The following TLK1 variants were observed in gnomAD, a reference collection of about 807,000 sequenced individuals.
TLK1 encodes the protein serine/threonine-protein kinase tousled-like 1.
In TLK1, 24 loss-of-function variants were observed where a neutral mutation model predicts 105.3. That is an observed-to-expected ratio of 0.23 (90% CI 0.17 to 0.32). The LOEUF (loss-of-function observed/expected upper bound fraction) is 0.32, where lower values mean the gene tolerates loss of function less well. TLK1 is among the 10% of genes least tolerant of loss of function. The pLI is 1.00. For missense variants in TLK1, 558 were observed against 910.5 expected (o/e 0.61, Z 4.98); for synonymous variants, 321 against 310.4 (o/e 1.03, Z -0.36).
intron 1 of TLK1, among the ~76,000 whole-genome samples, chr2:171,176,007 G>T: frequency 6.6e-6 from 1 of 152,084 alleles, no homozygotes; most frequent in African/African-American, 2.4e-5. Context: ...CGCGACCTCT[G>T]CTCACTGCAA....
intron 3 of TLK1, among the ~76,000 whole-genome samples, chr2:171,074,715 C>A (rs1431018894): frequency 2.0e-5 from 3 of 148,700 alleles, no homozygotes; most frequent in African/African-American, 7.4e-5. Flanking sequence ...AAAGTGAGAA[C>A]ATACTAGCAG....
At chr2:171,078,672 T>C (rs1000900256) in intron 3 of TLK1, among the ~76,000 whole-genome samples, 1 of 152,220 alleles carries the variant, frequency 6.6e-6, no homozygotes, top group Admixed American at 6.5e-5. Context: ...TGGGTGGTGA[T>C]AGTCTCAGTA....
intron 1 of TLK1, chr2:171,159,817 G>A (rs1362092815): frequency 6.5e-6 from 1 of 154,150 alleles, no homozygotes; most frequent in Non-Finnish European, 1.4e-5. Flanking sequence ...GGGCAGCAAA[G>A]CTCGCAAAGT....
chr2:171,176,228 C>G (rs373383998), intron 1 of TLK1, among the ~76,000 whole-genome samples: 1 of 152,184 alleles, frequency 6.6e-6, no homozygotes, highest in Non-Finnish European at 1.5e-5. Flanking sequence ...GTGTGAGCCA[C>G]TGTGCCCGGC....
chr2:171,065,793 T>C (rs1687966861), intron 3 of TLK1, among the ~76,000 whole-genome samples: 1 of 152,224 alleles, frequency 6.6e-6, no homozygotes, highest in Non-Finnish European at 1.5e-5. Flanking sequence ...CATCTTGGCC[T>C]CCCAGAGTGC....
Position 171,055,190 on chromosome 2 carries a change from AT to A in TLK1, c.550-19del. The A allele has an allele frequency of 9.3e-7, 1 of 1,070,966 alleles. No individual in the cohort carries two copies. The allele number at this position is 1,070,966 out of a possible 1,614,324, so 66.3% of individuals were successfully genotyped here. On this transcript the variant is annotated intron_variant, in intron 6 of 20. Transcript: ENST00000431350. ...GGTCGAACCTAAAGAAATTATTAAA[AT>A]TTTTATATTAGCAAAAAAAAAAAAA...
At chr2:171,207,866 C>T (rs1017601603) in intron 1 of TLK1, among the ~76,000 whole-genome samples, 2 of 152,102 alleles carry the variant, frequency 1.3e-5, no homozygotes, top group Non-Finnish European at 2.9e-5. Context: ...GCTGGGATTA[C>T]AGCTGTCTGC....
intron 2 of TLK1, among the ~76,000 whole-genome samples, chr2:171,105,390 T>C (rs1418237074): frequency 4.6e-5 from 7 of 152,166 alleles, no homozygotes; most frequent in Admixed American, 4.6e-4. Flanking sequence ...AACAGGTATA[T>C]TTAAAAAATG....
At chr2:171,224,008 C>T (rs763699529) in intron 1 of TLK1, among the ~76,000 whole-genome samples, 1 of 152,098 alleles carries the variant, frequency 6.6e-6, no homozygotes, top group Non-Finnish European at 1.5e-5. Flanking sequence ...TGAGGTCTTA[C>T]TCAAGAAGTC....
chr2:171,015,459 C>T (rs948759471), intron 12 of TLK1, among the ~76,000 whole-genome samples: 55 of 116,252 alleles, frequency 4.7e-4, no homozygotes, highest in African/African-American at 1.6e-3. Context: ...CACACACACA[C>T]ACAAACTGAC....
At chr2:171,007,612 A>G (rs770212212) in intron 14 of TLK1, among the ~76,000 whole-genome samples, 1 of 152,058 alleles carries the variant, frequency 6.6e-6, no homozygotes, top group Non-Finnish European at 1.5e-5. Flanking sequence ...CCTACCATCC[A>G]GTTTCAAAAA....
At chr2:171,077,647 C>A (rs1688571214) in intron 3 of TLK1, among the ~76,000 whole-genome samples, 1 of 152,238 alleles carries the variant, frequency 6.6e-6, no homozygotes, top group South Asian at 2.1e-4. Flanking sequence ...CACTTACTAT[C>A]ACTTTTGGGT....
chr2:171,207,539 A>G (rs1693528360), intron 1 of TLK1, among the ~76,000 whole-genome samples: 1 of 152,202 alleles, frequency 6.6e-6, no homozygotes, highest in Non-Finnish European at 1.5e-5. Context: ...TGATACATCA[A>G]TGTTGGCTCA....
chr2:171,148,953 T>G (rs1040512708), intron 1 of TLK1, among the ~76,000 whole-genome samples: 5 of 148,570 alleles, frequency 3.4e-5, no homozygotes, highest in Non-Finnish European at 3.0e-5. Context: ...GTATGTGCGA[T>G]ATATATATAT....
intron 2 of TLK1, among the ~76,000 whole-genome samples, chr2:171,084,032 G>A (rs1000041822): frequency 6.6e-6 from 1 of 152,048 alleles, no homozygotes; most frequent in African/African-American, 2.4e-5. Context: ...AAAACCCACA[G>A]ACTGTATTTA....
At chr2:171,124,199 C>T (rs1690777188) in intron 1 of TLK1, among the ~76,000 whole-genome samples, 1 of 152,206 alleles carries the variant, frequency 6.6e-6, no homozygotes, top group South Asian at 2.1e-4. Flanking sequence ...AATCTAACTT[C>T]TTTGACAGCT....
intron 1 of TLK1, among the ~76,000 whole-genome samples, chr2:171,213,834 C>T (rs1693664201): frequency 6.9e-6 from 1 of 145,734 alleles, no homozygotes; most frequent in Non-Finnish European, 1.5e-5. Context: ...ATGATCCTCC[C>T]ACCTCAGCCT....
intron 1 of TLK1, among the ~76,000 whole-genome samples, chr2:171,119,295 G>A (rs929620797): frequency 7.9e-5 from 12 of 152,116 alleles, no homozygotes; most frequent in African/African-American, 2.9e-4. Context: ...TTTATTGAGA[G>A]GAAAAACCAA....
At chr2:171,033,645 T>C (rs550301100) in intron 11 of TLK1, among the ~76,000 whole-genome samples, 68 of 151,516 alleles carry the variant, frequency 4.5e-4, no homozygotes, top group African/African-American at 1.5e-3. Context: ...TTATTACACA[T>C]TGTATGCCTG....
Sources: gnomAD v4.1 joint callset for allele counts (sites outside exome capture counted in the v4.1 genomes callset) on GRCh38, gnomAD v4.1.1 for gene constraint, MANE v1.5 for transcripts, NCBI Gene and HGNC (gene_info 2026-07-23, HGNC 2026-07-21) for gene names.